Variants in NGEF observed in about 807,000 individuals in gnomAD.
NGEF encodes the protein neuronal guanine nucleotide exchange factor, also known as ephexin-1.
A neutral mutation model predicts 80.9 loss-of-function variants in NGEF; 31 were observed. That is an observed-to-expected ratio of 0.38 (90% CI 0.29 to 0.52). The LOEUF (loss-of-function observed/expected upper bound fraction) is 0.52. NGEF is among the 20% of genes least tolerant of loss of function. The pLI is 0.84. For synonymous variants in NGEF, 371 were observed against 370.2 expected (o/e 1.00, Z -0.03); for missense variants, 709 against 926.2 (o/e 0.77, Z 3.04).
Position 232,879,185 on chromosome 2 carries a change from G to C in NGEF, c.*304C>G. 1 of 267,920 alleles carries C rather than the reference G, an allele frequency of 3.7e-6. No individual in the cohort carries two copies. Among genetic ancestry groups the C allele is most frequent in the Non-Finnish European group, 7.1e-6 (1 of 141,620 alleles). 16.6% of individuals were successfully genotyped at this position (267,920 alleles called of 1,614,324 possible). ...AGTCCCTGGGGGCCAGGGGCATGGG[G>C]GGCCCTGGAGTGTGCCCACCCCCTT... On this transcript the variant is annotated 3_prime_UTR_variant, in exon 15 of 15. Transcript: ENST00000264051.
rs546694289 is a variant in NGEF at position 232,892,402 on chromosome 2, G to A, written c.1142+496C>T. Among the ~76,000 whole-genome samples the A allele has an allele frequency of 6.6e-6, 1 of 152,274 alleles. No individual in the cohort carries two copies. Among genetic ancestry groups the A allele is most frequent in the Non-Finnish European group, 1.5e-5 (1 of 68,010 alleles). ...GAATTCAGAAGAGGCACGCTGGCTG[G>A]AAAATTACCTTGTCAACTAAACCTC... is the stretch of plus-strand genomic sequence containing the variant. On this transcript the variant is annotated intron_variant, in intron 7 of 14. Coordinates refer to ENST00000264051, the MANE Select transcript of NGEF (RefSeq NM_019850.3). The surrounding 1 kb of genome is among the most constrained non-coding windows in gnomAD (Gnocchi z 4.0).
intron 5 of NGEF, among the ~76,000 whole-genome samples, chr2:232,906,411 C>CG: frequency 9.0e-6 from 1 of 111,142 alleles, no homozygotes; most frequent in Non-Finnish European, 2.0e-5. Context: ...GTCAGCCCCC[C>CG]GCCCGGTCAG....
At position 232,879,427 on chromosome 2, in the gene NGEF, C is replaced by CG. The variant is rs969472554; in HGVS notation, c.*61_*62insC. The CG allele has an allele frequency of 6.9e-7, 1 of 1,439,036 alleles. No individual in the cohort carries two copies. The highest frequency in any genetic ancestry group is 1.4e-5 in the African/African-American group (1 of 70,716). 89.1% of individuals were successfully genotyped at this position (1,439,036 alleles called of 1,614,324 possible). The stretch of plus-strand genomic sequence containing the variant: ...TGGCCTGTGCTTCCCAGAGCCCCCC[C>CG]CCCCCCACCTTCTGTCGGGGTCTCA... On this transcript the variant is annotated 3_prime_UTR_variant, in exon 15 of 15. Transcript: ENST00000264051.
At chr2:232,906,430 T>C (rs1411631921) in intron 5 of NGEF, among the ~76,000 whole-genome samples, 1 of 105,396 alleles carries the variant, frequency 9.5e-6, no homozygotes, top group Non-Finnish European at 2.0e-5. Context: ...AGCCACCCCG[T>C]CTGGGAGGTG....
intron 3 of NGEF, among the ~76,000 whole-genome samples, chr2:232,950,495 G>A (rs891096600): frequency 6.6e-6 from 1 of 151,442 alleles, no homozygotes; most frequent in African/African-American, 2.4e-5. Context: ...TGTGATGGGT[G>A]TTTTGACTCT....
intron 1 of NGEF, among the ~76,000 whole-genome samples, chr2:232,981,901 C>T (rs1447331566): frequency 6.6e-6 from 1 of 152,204 alleles, no homozygotes; most frequent in Non-Finnish European, 1.5e-5. Flanking sequence ...GGAACAGGCC[C>T]CTCTAGGTGC....
intron 1 of NGEF, among the ~76,000 whole-genome samples, chr2:232,990,574 A>G (rs1057250699): frequency 2.0e-5 from 3 of 152,148 alleles, no homozygotes; most frequent in Admixed American, 6.5e-5. Context: ...TGAGCAATAT[A>G]GATAATAAAG....
At chr2:232,980,840 G>A (rs969233916) in intron 1 of NGEF, among the ~76,000 whole-genome samples, 4 of 152,174 alleles carry the variant, frequency 2.6e-5, no homozygotes, top group Non-Finnish European at 5.9e-5. Flanking sequence ...CTCAGGCAAA[G>A]TCCTAGGGGA....
At chr2:232,911,226 G>A (rs1692685761) in intron 5 of NGEF, among the ~76,000 whole-genome samples, 1 of 152,180 alleles carries the variant, frequency 6.6e-6, no homozygotes, top group Non-Finnish European at 1.5e-5. Flanking sequence ...TATATCCAAT[G>A]GTTCCAGCAT....
intron 9 of NGEF, 87 bp from the exon 10 acceptor site, chr2:232,885,456 G>T: frequency 9.2e-7 from 1 of 1,090,612 alleles, no homozygotes; most frequent in Non-Finnish European, 1.4e-6. Flanking sequence ...AGACAGGGCT[G>T]AGTGACCACC....
chr2:232,920,263 C>T (rs1264181241), intron 5 of NGEF, 21 bp downstream of exon 5: 3 of 1,600,220 alleles, frequency 1.9e-6, no homozygotes, highest in South Asian at 1.1e-5. Context: ...GGGGGAGCCC[C>T]CGCCCCTCGG....
At chr2:232,890,117 T>G (rs1691830986) in intron 8 of NGEF, among the ~76,000 whole-genome samples, 1 of 119,160 alleles carries the variant, frequency 8.4e-6, no homozygotes. Flanking sequence ...AAAGGGGGTC[T>G]CTGTCCTGTC....
chr2:232,954,802 G>C (rs895989066), intron 3 of NGEF, among the ~76,000 whole-genome samples: 1 of 151,810 alleles, frequency 6.6e-6, no homozygotes, highest in African/African-American at 2.4e-5. Flanking sequence ...GGCAGGTTGA[G>C]GAAGGCTTTG....
intron 2 of NGEF, among the ~76,000 whole-genome samples, chr2:232,971,915 C>T (rs1036650946): frequency 8.5e-5 from 13 of 152,138 alleles, no homozygotes; most frequent in Middle Eastern, 3.2e-3. Flanking sequence ...AAGACTTCCC[C>T]GACCCCCAAC....
chr2:232,967,243 C>T (rs184661149), intron 3 of NGEF, among the ~76,000 whole-genome samples: 191 of 152,282 alleles, frequency 1.3e-3, no homozygotes, highest in East Asian at 4.8e-3. Context: ...CTACCAGGAT[C>T]GGAAGCTTCC....
intron 2 of NGEF, 23 bp from the exon 3 acceptor site, chr2:232,970,351 C>A: frequency 2.0e-6 from 3 of 1,481,690 alleles, no homozygotes; most frequent in Non-Finnish European, 2.8e-6. Context: ...AGAAATGGAG[C>A]AAGTTAGAAG....
chr2:232,895,089 C>G lies in NGEF; in HGVS notation c.829-173G>C, dbSNP rs534916786. Among the ~76,000 whole-genome samples the G allele has an allele frequency of 5.9e-5, 9 of 152,238 alleles. No individual in the cohort carries two copies. The East Asian group carries it at 1.7e-3, about 29-fold the overall frequency. Reference sequence around the variant, plus strand: ...AGGGGCAGCTGGTAACACCTGCGGCCGGGAATGGTAGTGAGGCCACTCTTC... The same window carrying G: ...AGGGGCAGCTGGTAACACCTGCGGCGGGGAATGGTAGTGAGGCCACTCTTC... On this transcript the variant is annotated intron_variant, in intron 5 of 14. Coordinates refer to ENST00000264051, the MANE Select transcript of NGEF (RefSeq NM_019850.3).
chr2:232,944,440 A>G (rs564106418), intron 3 of NGEF, among the ~76,000 whole-genome samples: 4 of 152,184 alleles, frequency 2.6e-5, no homozygotes, highest in African/African-American at 9.6e-5. Context: ...GACTGGTTGA[A>G]TGAACCATGG....
chr2:232,959,672 T>G (rs1233043758), intron 3 of NGEF, among the ~76,000 whole-genome samples: 1 of 151,546 alleles, frequency 6.6e-6, no homozygotes, highest in Non-Finnish European at 1.5e-5. Context: ...CTCTGTCTCC[T>G]GGGTTCAAGT....
Sources: gnomAD v4.1 joint callset for allele counts (sites outside exome capture counted in the v4.1 genomes callset) on GRCh38, gnomAD v4.1.1 for gene constraint, Gnocchi (gnomAD v3.1) non-coding constraint, MANE v1.5 for transcripts, NCBI Gene and HGNC (gene_info 2026-07-23, HGNC 2026-07-21) for gene names.